Variants in RB1 observed in about 807,000 individuals in gnomAD.
RB1 encodes the protein RB transcriptional corepressor 1, also known as retinoblastoma-associated protein.
Under a neutral mutation model 135.4 loss-of-function variants are expected in RB1, and 18 were observed. The ratio of observed to expected loss-of-function variants is 0.13; its 90% CI spans 0.09 to 0.20. The LOEUF (loss-of-function observed/expected upper bound fraction) is 0.20. RB1 is among the 10% of genes least tolerant of loss of function. RB1 has a pLI of 1.00. For missense variants in RB1, 868 were observed against 1,110.0 expected, an observed-to-expected ratio of 0.78 and a Z score of 3.10; for synonymous variants, 365 against 373.2, an observed-to-expected ratio of 0.98 and a Z score of 0.25.
intron 19 of RB1, among the ~76,000 whole-genome samples, chr13:48,459,096 GTGTCTTA>G (rs2138335055): frequency 6.6e-6 from 1 of 152,218 alleles, no homozygotes; most frequent in South Asian, 2.1e-4. Context: ...TAATTTTACA[GTGTCTTA>G]TGACCTTTCC....
chr13:48,397,047 G>A lies in RB1; in HGVS notation c.1695+15604G>A, dbSNP rs186649340. Among the ~76,000 whole-genome samples, 4 of 152,304 alleles carry A rather than the reference G, an allele frequency of 2.6e-5. No individual in the cohort carries two copies. In the East Asian group the frequency reaches 7.7e-4, roughly 29 times the overall value. On this transcript the variant is annotated intron_variant, in intron 17 of 26. Transcript: ENST00000267163. ...TAGGAATGGTTTTATACTGTTGGTG[G>A]CAGTGTAAATTAGTTCAACCATTGT...
chr13:48,303,850 C>A lies in RB1; in HGVS notation c.-63C>A, dbSNP rs2138026611. 6.0e-6 allele frequency: 9 copies of A among 1,495,536 alleles called. No homozygotes were observed. Among genetic ancestry groups the A allele is most frequent in the Non-Finnish European group, 8.0e-6 (9 of 1,129,796 alleles). The allele number at this position is 1,495,536 out of a possible 1,614,324, so 92.6% of individuals were successfully genotyped here. On this transcript the variant is annotated 5_prime_UTR_variant, in exon 1 of 27. Coordinates refer to ENST00000267163, the MANE Select transcript of RB1 (RefSeq NM_000321.3). The stretch of plus-strand genomic sequence containing the variant: ...AGAGGACGGGGCGTGCCCCGACGTG[C>A]GCGCGCGTCGTCCTCCCCGGCGCTC...
chr13:48,320,110 A>C, intron 2 of RB1: 4 of 681,890 alleles, frequency 5.9e-6, no homozygotes, highest in East Asian at 6.2e-5. Flanking sequence ...GGTCCACGGA[A>C]TCATCATTGA....
At position 48,319,772 on chromosome 13, in the gene RB1, G is replaced by T; in HGVS notation, c.264+12366G>T. 7.0e-6 allele frequency: 2 copies of T among 287,088 alleles called. No individual in the cohort carries two copies. The highest frequency in any genetic ancestry group is 3.7e-5 in the Admixed American group (1 of 27,072). The allele number at this position is 287,088 out of a possible 1,614,324, so 17.8% of individuals were successfully genotyped here. ...ACCCCATCACATTTTTGGGTCGCAT[G>T]CTATCTCTTCTCATTCAGAAGCTGT... On this transcript the variant is annotated intron_variant, in intron 2 of 26. Transcript: ENST00000267163. This position sits in a 1 kb window ranked among gnomAD's most constrained non-coding sequence, Gnocchi z 5.0.
chr13:48,462,957 A>G (rs1444682430), intron 20 of RB1, among the ~76,000 whole-genome samples: 1 of 152,186 alleles, frequency 6.6e-6, no homozygotes, highest in African/African-American at 2.4e-5. Context: ...AGCTATTCTT[A>G]TGTCAGGACT....
At chr13:48,321,116 C>T (rs982901455) in intron 2 of RB1, among the ~76,000 whole-genome samples, 2 of 152,074 alleles carry the variant, frequency 1.3e-5, no homozygotes, top group African/African-American at 4.8e-5. Flanking sequence ...GGCCAGGCCC[C>T]CTGCCACCCA....
intron 17 of RB1, chr13:48,413,029 C>T (rs1485585300): frequency 2.4e-5 from 4 of 167,328 alleles, no homozygotes; most frequent in South Asian, 2.1e-4. Flanking sequence ...TTAAAGATTC[C>T]GAAATAAACT....
intron 11 of RB1, among the ~76,000 whole-genome samples, chr13:48,369,298 CT>C (rs1952734880): frequency 6.6e-6 from 1 of 152,124 alleles, no homozygotes; most frequent in African/African-American, 2.4e-5. Context: ...CTGAGTGCAT[CT>C]ACTTTTCTCC....
At chr13:48,443,166 G>A (rs971061028) in intron 17 of RB1, among the ~76,000 whole-genome samples, 26 of 151,236 alleles carry the variant, frequency 1.7e-4, no homozygotes, top group African/African-American at 6.0e-4. Flanking sequence ...TCTCCTCTTA[G>A]TCTATAATTT....
intron 2 of RB1, chr13:48,320,388 C>G (rs549573609): frequency 1.7e-6 from 2 of 1,185,908 alleles, no homozygotes; most frequent in South Asian, 1.2e-5. Flanking sequence ...CCGAGAAGCA[C>G]CCGGGGAACC....
At chr13:48,331,000 A>T (rs568046419) in intron 2 of RB1, among the ~76,000 whole-genome samples, 146 of 152,326 alleles carry the variant, frequency 9.6e-4, no homozygotes, top group African/African-American at 3.4e-3. Flanking sequence ...CAAATCTATA[A>T]ATATACCACT....
In RB1 at chr13:48,339,073, G is replaced by C. The variant is rs539307182; in HGVS notation, c.265-3526G>C. Among the ~76,000 whole-genome samples the C allele has an allele frequency of 6.6e-5, 10 of 152,280 alleles. No individual in the cohort carries two copies. In the South Asian group the frequency reaches 1.9e-3, roughly 28 times the overall value. ...GGGTACTCAGCTGCGTGTGGTGTTA[G>C]TCTGCCCCTAGTGGGGTGTGCCTCC... On this transcript the variant is annotated intron_variant, in intron 2 of 26. Transcript: ENST00000267163.
intron 2 of RB1, among the ~76,000 whole-genome samples, chr13:48,322,605 G>T (rs1952251314): frequency 6.6e-6 from 1 of 152,122 alleles, no homozygotes; most frequent in African/African-American, 2.4e-5. Flanking sequence ...GTCTCTTCCT[G>T]GATCTTAGTG....
chr13:48,411,989 G>T (rs1566212254), intron 17 of RB1: 3 of 1,605,290 alleles, frequency 1.9e-6, no homozygotes, highest in African/African-American at 1.3e-5. Context: ...CACTTCCTCC[G>T]ATCACAGTTA....
At position 48,367,732 on chromosome 13, in the gene RB1, A is replaced by T. The variant is rs945885690; in HGVS notation, c.1049+129A>T. The T allele has an allele frequency of 9.1e-6, 10 of 1,094,410 alleles. No individual in the cohort carries two copies. The African/African-American group carries it at 1.6e-4, about 17-fold the overall frequency. 67.8% of individuals were successfully genotyped at this position (1,094,410 alleles called of 1,614,324 possible). A position where few individuals can be genotyped will look rare whatever the true frequency, so the allele number is the denominator to read the frequency against. Reference sequence around the variant, plus strand: ...TAACAAATTACTTTCAAATGTCTTTATACAAAGAAAAGTTTAACAGTATTT... The same window carrying T: ...TAACAAATTACTTTCAAATGTCTTTTTACAAAGAAAAGTTTAACAGTATTT... On this transcript the variant is annotated intron_variant, in intron 10 of 26. Transcript: ENST00000267163.
chr13:48,340,983 T>C (rs1952438022), intron 2 of RB1: 1 of 152,128 alleles, frequency 6.6e-6, no homozygotes, highest in Admixed American at 6.5e-5. Flanking sequence ...TCAATACGTT[T>C]TAACAGACAT....
chr13:48,344,017 A>G (rs1952470616), intron 3 of RB1, among the ~76,000 whole-genome samples: 2 of 152,138 alleles, frequency 1.3e-5, no homozygotes, highest in Non-Finnish European at 2.9e-5. Context: ...TGGACAGCCT[A>G]TGGATGGGTC....
At chr13:48,350,113 A>G (rs1952535070) in intron 6 of RB1, among the ~76,000 whole-genome samples, 1 of 152,168 alleles carries the variant, frequency 6.6e-6, no homozygotes. Flanking sequence ...TCAACACCCC[A>G]CTTTCAGCAT....
intron 17 of RB1, among the ~76,000 whole-genome samples, chr13:48,408,467 GA>G (rs1948759191): frequency 6.6e-6 from 1 of 152,018 alleles, no homozygotes; most frequent in African/African-American, 2.4e-5. Context: ...ACCGTTTTAT[GA>G]AAATGTTAAT....
Sources: allele counts gnomAD v4.1 joint callset (sites outside exome capture counted in the v4.1 genomes callset), GRCh38; gene constraint gnomAD v4.1.1; non-coding constraint Gnocchi (gnomAD v3.1); transcripts MANE v1.5; gene names NCBI Gene and HGNC (gene_info 2026-07-23, HGNC 2026-07-21).